RBBP8NL: variants seen among roughly 807,000 people sequenced by gnomAD.
RBBP8NL encodes RBBP8 N-terminal like.
In RBBP8NL, 59 loss-of-function variants were observed where a neutral mutation model predicts 62.2. The observed-to-expected ratio is 0.95, with a 90% CI of 0.77 to 1.18. RBBP8NL has a LOEUF of 1.18. Ranked by LOEUF, RBBP8NL falls within the 50% of genes most tolerant of loss-of-function variation. The pLI is 0.00. For missense variants in RBBP8NL, 896 were observed against 899.5 expected (o/e 1.00, Z 0.05); for synonymous variants, 412 against 394.1 (o/e 1.05, Z -0.54).
intron 11 of RBBP8NL, 127 bp downstream of exon 11, chr20:62,413,274 C>G: frequency 2.5e-6 from 3 of 1,214,464 alleles, no homozygotes; most frequent in Non-Finnish European, 2.2e-6. Flanking sequence ...CTGGGGTTGC[C>G]CCGTCAGATC....
chr20:62,415,032 G>C (rs1035707688), intron 9 of RBBP8NL, 89 bp downstream of exon 9: 1 of 1,312,042 alleles, frequency 7.6e-7, no homozygotes, highest in African/African-American at 1.5e-5. Flanking sequence ...AGGGCTGTGA[G>C]GGATAATCAG....
chr20:62,416,636 T>C (rs1988572772), intron 5 of RBBP8NL, 124 bp downstream of exon 5: 1 of 665,618 alleles, frequency 1.5e-6, no homozygotes, highest in African/African-American at 1.8e-5. Context: ...GTTGTGAGGT[T>C]CCCCCAGTGG....
intron 1 of RBBP8NL, among the ~76,000 whole-genome samples, chr20:62,422,655 C>T (rs1988731907): frequency 8.8e-6 from 1 of 113,670 alleles, no homozygotes; most frequent in Non-Finnish European, 1.9e-5. Context: ...GGGATGGGGA[C>T]CGGGGTGGGG....
intron 1 of RBBP8NL, among the ~76,000 whole-genome samples, chr20:62,421,697 G>GGGTGGCA: frequency 6.8e-6 from 1 of 147,688 alleles, no homozygotes; most frequent in Non-Finnish European, 1.5e-5. Flanking sequence ...GTGTGCATGT[G>GGGTGGCA]TGTGGCATGT....
rs1163622207 is a variant in RBBP8NL at position 62,410,608 on chromosome 20, G to A, written c.*270C>T. ...GAATCGCCAGCCTGAGACCCCTCTCGGTCCTCCAGCCCCTCTTGAAGTGGG... is the reference window on the plus strand; with the variant it reads ...GAATCGCCAGCCTGAGACCCCTCTCAGTCCTCCAGCCCCTCTTGAAGTGGG... On this transcript the variant is annotated 3_prime_UTR_variant, in exon 14 of 14. Transcript: ENST00000252998. 11 of 472,022 alleles carry A rather than the reference G, an allele frequency of 2.3e-5. No individual in the cohort carries two copies. The highest frequency in any genetic ancestry group is 7.0e-5 in the East Asian group (2 of 28,596). 29.2% of individuals were successfully genotyped at this position (472,022 alleles called of 1,614,324 possible). A position where few individuals can be genotyped will look rare whatever the true frequency, so the allele number is the denominator to read the frequency against.
chr20:62,418,002 G>A (rs1032655646), intron 3 of RBBP8NL, among the ~76,000 whole-genome samples: 2 of 151,598 alleles, frequency 1.3e-5, no homozygotes, highest in Admixed American at 6.6e-5. Context: ...TCATCTGCAC[G>A]CTCCTCTGTG....
At position 62,414,298 on chromosome 20, in the gene RBBP8NL, C is replaced by T. The variant is rs1156314561; in HGVS notation, c.1053G>A (p.Leu351=). 1 of 1,572,516 alleles carries T rather than the reference C, an allele frequency of 6.4e-7. No homozygotes were observed. Among genetic ancestry groups the T allele is most frequent in the South Asian group, 1.2e-5 (1 of 86,492 alleles). ...CCAGGAGCAGGTGCAGTGCCCCCTCCAGGCGAAGGTCCTGCATGCCCGCCA... is the reference window on the plus strand; with the variant it reads ...CCAGGAGCAGGTGCAGTGCCCCCTCTAGGCGAAGGTCCTGCATGCCCGCCA... ...SALAGMQDLR[L]EGALHLLLAQ... Residue 351 remains leucine, a synonymous_variant, in exon 10 of 14, where the codon CTG becomes CTA. Transcript: ENST00000252998.
At chr20:62,419,964 C>T (rs565178256) in intron 1 of RBBP8NL, among the ~76,000 whole-genome samples, 1 of 152,308 alleles carries the variant, frequency 6.6e-6, no homozygotes, top group Non-Finnish European at 1.5e-5. Flanking sequence ...GGGCAGGGTG[C>T]TGGCTGCCGT....
At position 62,415,773 on chromosome 20, in the gene RBBP8NL, C is replaced by T. The variant is rs768653440; in HGVS notation, c.544+15G>A. The T allele has an allele frequency of 2.0e-5, 33 of 1,611,206 alleles. No homozygotes were observed. Among genetic ancestry groups the T allele is most frequent in the African/African-American group, 5.3e-5 (4 of 74,910 alleles). ...GGGGGCCCAGCCTCCCAGCCTCACC[C>T]GGTCCCCACAGCACCTTCTCCCCGT... On this transcript the variant is annotated intron_variant, in intron 7 of 13. Transcript: ENST00000252998.
At chr20:62,426,789 G>T (rs1461187172) in intron 1 of RBBP8NL, among the ~76,000 whole-genome samples, 1 of 152,356 alleles carries the variant, frequency 6.6e-6, no homozygotes, top group South Asian at 2.1e-4. Context: ...CCCCACACGC[G>T]CGTGCGCCCG....
intron 1 of RBBP8NL, among the ~76,000 whole-genome samples, chr20:62,422,944 C>T (rs991316118): frequency 6.6e-5 from 10 of 151,860 alleles, no homozygotes; most frequent in African/African-American, 1.9e-4. Context: ...CAGCCACCCT[C>T]GGAGGGAGTG....
chr20:62,413,308 G>A (rs1988477019), intron 11 of RBBP8NL, 93 bp downstream of exon 11: 1 of 1,345,930 alleles, frequency 7.4e-7, no homozygotes, highest in Non-Finnish European at 9.6e-7. Context: ...TGGGCCTGGA[G>A]ACACCCACTC....
Position 62,414,280 on chromosome 20 carries a change from C to A in RBBP8NL, c.1071G>T (p.Leu357=). ...QDLRLEGALH[L]LLAQQQLRAR... Reference sequence around the variant, plus strand: ...CCCGCAGCTGCTGCTGGGCCAGGAGCAGGTGCAGTGCCCCCTCCAGGCGAA... The same window carrying A: ...CCCGCAGCTGCTGCTGGGCCAGGAGAAGGTGCAGTGCCCCCTCCAGGCGAA... Residue 357 remains leucine (L), a synonymous_variant, in exon 10 of 14, where the codon CTG becomes CTT. Coordinates refer to ENST00000252998, the MANE Select transcript of RBBP8NL (RefSeq NM_080833.3). 6.3e-7 allele frequency: 1 copy of A among 1,581,612 alleles called. No homozygotes were observed. Among genetic ancestry groups the A allele is most frequent in the Non-Finnish European group, 8.6e-7 (1 of 1,166,230 alleles).
chr20:62,415,526 C>T, intron 8 of RBBP8NL, 52 bp downstream of exon 8: 1 of 1,584,748 alleles, frequency 6.3e-7, no homozygotes, highest in Admixed American at 1.7e-5. Flanking sequence ...CTCCAGCCTC[C>T]TGCCTGCGCC....
At chr20:62,419,078 G>A (rs1199940208) in intron 2 of RBBP8NL, among the ~76,000 whole-genome samples, 8 of 152,128 alleles carry the variant, frequency 5.3e-5, no homozygotes, top group East Asian at 1.9e-4. Flanking sequence ...GGCCTGGGGC[G>A]TGTCCTAGAA....
chr20:62,414,236 C>T lies in RBBP8NL; in HGVS notation c.1115G>A (p.Ser372Asn), dbSNP rs1345412598. Residue 372 changes from serine (S) to asparagine (N), a missense_variant, in exon 10 of 14, where the codon AGT becomes AAT. Coordinates refer to ENST00000252998, the MANE Select transcript of RBBP8NL (RefSeq NM_080833.3). Reference protein sequence around the residue: ...QQLRARARAGSVRPRGQPTPG... With the variant: ...QQLRARARAGNVRPRGQPTPG... ...TGTGGGCTGGCCCCTTGGCCTGACA[C>T]TGCCTGCCCTGGCCCTAGCCCGCAG... 1.3e-6 allele frequency: 2 copies of T among 1,599,778 alleles called. No individual in the cohort carries two copies. Among genetic ancestry groups the T allele is most frequent in the South Asian group, 1.1e-5 (1 of 89,346 alleles).
intron 4 of RBBP8NL, 52 bp downstream of exon 4, chr20:62,417,172 C>T: frequency 1.4e-6 from 2 of 1,412,090 alleles, no homozygotes; most frequent in Non-Finnish European, 2.0e-6. Flanking sequence ...ACCTCCTCCT[C>T]TCCTGAGCCC....
In RBBP8NL at chr20:62,415,724, C is replaced by G. The variant is rs1204536128; in HGVS notation, c.544+64G>C. On this transcript the variant is annotated intron_variant, in intron 7 of 13. Coordinates refer to ENST00000252998, the MANE Select transcript of RBBP8NL (RefSeq NM_080833.3). ...GCTCAGAGGGGCAGCGGCCCAGCCC[C>G]AGGGGGAGGATCCCTGGTCCTGCGG... 17 of 1,609,646 alleles carry G rather than the reference C, an allele frequency of 1.1e-5. No individual in the cohort carries two copies. The East Asian group carries it at 3.6e-4, about 34-fold the overall frequency.
chr20:62,414,634 G>C, intron 9 of RBBP8NL, 78 bp from the exon 10 acceptor site: 3 of 1,372,632 alleles, frequency 2.2e-6, no homozygotes, highest in Non-Finnish European at 2.8e-6. Context: ...AGGGAGAGAC[G>C]ACAGGCACCC....
Sources: gnomAD v4.1 joint callset for allele counts (sites outside exome capture counted in the v4.1 genomes callset) on GRCh38, gnomAD v4.1.1 for gene constraint, MANE v1.5 for transcripts, NCBI Gene and HGNC (gene_info 2026-07-23, HGNC 2026-07-21) for gene names.